The following UGT2A1 variants were observed in gnomAD, a reference collection of about 807,000 sequenced individuals.
The protein encoded by UGT2A1 is UDP glucuronosyltransferase family 2 member A1 complex locus, also known as UDP-glucuronosyltransferase 2A1.
A neutral mutation model predicts 45.4 loss-of-function variants in UGT2A1; 61 were observed. The ratio of observed to expected loss-of-function variants is 1.34; its 90% confidence interval spans 1.09 to 1.66. UGT2A1 has a LOEUF of 1.66. Ranked by LOEUF, UGT2A1 falls within the 40% of genes most tolerant of loss-of-function variation. The pLI, the probability that UGT2A1 is intolerant of heterozygous loss-of-function variation, is 0.00. For synonymous variants in UGT2A1, 229 were observed against 196.2 expected (o/e 1.17, Z -1.40); for missense variants, 649 against 574.3 (o/e 1.13, Z -1.33).
intron 3 of UGT2A1, among the ~76,000 whole-genome samples, chr4:69,627,835 T>G (rs954941609): frequency 6.6e-6 from 1 of 151,712 alleles, no homozygotes; most frequent in Non-Finnish European, 1.5e-5. Context: ...AATAGAAAAT[T>G]TATAAATGTC....
intron 4 of UGT2A1, among the ~76,000 whole-genome samples, chr4:69,598,441 C>A (rs960919030): frequency 6.6e-6 from 1 of 152,034 alleles, no homozygotes; most frequent in Non-Finnish European, 1.5e-5. Flanking sequence ...TTCCACATTT[C>A]TTTTCTGAAG....
At chr4:69,616,017 C>G (rs1328343146) in intron 3 of UGT2A1, among the ~76,000 whole-genome samples, 1 of 151,978 alleles carries the variant, frequency 6.6e-6, no homozygotes, top group Non-Finnish European at 1.5e-5. Context: ...ATATGTGCAT[C>G]AATGGGTGAA....
intron 3 of UGT2A1, among the ~76,000 whole-genome samples, chr4:69,607,761 A>T (rs1339917563): frequency 6.6e-6 from 1 of 152,252 alleles, no homozygotes; most frequent in Non-Finnish European, 1.5e-5. Context: ...TGGGTGAAGG[A>T]TATGAACAGA....
intron 4 of UGT2A1, among the ~76,000 whole-genome samples, chr4:69,597,609 T>G (rs1719006338): frequency 6.6e-6 from 1 of 152,162 alleles, no homozygotes; most frequent in Admixed American, 6.5e-5. Flanking sequence ...GAAAATAGAT[T>G]GCTATTTTTG....
chr4:69,622,741 A>G (rs1720822671), intron 3 of UGT2A1, among the ~76,000 whole-genome samples: 1 of 151,782 alleles, frequency 6.6e-6, no homozygotes, highest in Non-Finnish European at 1.5e-5. Flanking sequence ...GCTATTGTCT[A>G]GCAAAGAGAA....
Position 69,589,650 on chromosome 4 carries a change from A to G in UGT2A1, c.1306T>C (p.Tyr436His), listed in dbSNP as rs1183882628. The G allele has an allele frequency of 8.7e-6, 14 of 1,601,498 alleles. No individual in the cohort carries two copies. In the Admixed American group the frequency reaches 2.2e-4, roughly 26 times the overall value. Residue 436 changes from tyrosine to histidine, a missense_variant and splice_region_variant, in exon 7 of 7, where the codon TAT (tyrosine) becomes CAT (histidine). Physicochemically the swap from Tyr to His is moderately conservative, Grantham distance 83 (BLOSUM62 2). Transcript: ENST00000286604. ...ALRTVINEPS[Y>H]KENAMRLSRI... Reference sequence around the variant, plus strand: ...GATAACCTCATAGCATTCTCTTTATAACTAGAAGACAAATAAATAGGCAGA... The same window carrying G: ...GATAACCTCATAGCATTCTCTTTATGACTAGAAGACAAATAAATAGGCAGA...
At chr4:69,591,709 T>C (rs556310531) in intron 6 of UGT2A1, among the ~76,000 whole-genome samples, 5 of 152,258 alleles carry the variant, frequency 3.3e-5, no homozygotes, top group African/African-American at 7.2e-5. Context: ...AGCTTAGAAT[T>C]TTTATTTTTG....
intron 1 of UGT2A1, among the ~76,000 whole-genome samples, chr4:69,650,238 ATG>A (rs1722462445): frequency 6.6e-6 from 1 of 152,094 alleles, no homozygotes; most frequent in South Asian, 2.1e-4. Context: ...CTGCTTCACT[ATG>A]TGTTTATTGG....
chr4:69,651,466 G>A (rs1193102200), intron 1 of UGT2A1, among the ~76,000 whole-genome samples: 1 of 152,010 alleles, frequency 6.6e-6, no homozygotes, highest in Admixed American at 6.6e-5. Context: ...CATGAATTCA[G>A]AGAAAAAAAC....
chr4:69,652,570 C>T (rs1722586465), intron 1 of UGT2A1, among the ~76,000 whole-genome samples: 2 of 151,680 alleles, frequency 1.3e-5, no homozygotes, highest in Admixed American at 6.6e-5. Flanking sequence ...CGCGCCTGGC[C>T]ATTATTTTCT....
chr4:69,598,304 T>C (rs1719057459), intron 4 of UGT2A1, among the ~76,000 whole-genome samples: 1 of 152,192 alleles, frequency 6.6e-6, no homozygotes, highest in South Asian at 2.1e-4. Context: ...CATTTGCTTG[T>C]GTATAAACCA....
At chr4:69,635,312 T>C (rs886755609) in intron 3 of UGT2A1, among the ~76,000 whole-genome samples, 14 of 152,158 alleles carry the variant, frequency 9.2e-5, no homozygotes, top group African/African-American at 3.4e-4. Context: ...CTTTCTGCTC[T>C]CCCGATCTAC....
At chr4:69,653,088 AC>A (rs1451256682) in intron 1 of UGT2A1, 99 bp downstream of exon 1, 20 of 152,346 alleles carry the variant, frequency 1.3e-4, no homozygotes, top group African/African-American at 4.6e-4. Flanking sequence ...CAAAAGGTAA[AC>A]CAGCGTTTTA....
At chr4:69,632,984 G>C (rs767412909) in intron 3 of UGT2A1, among the ~76,000 whole-genome samples, 1 of 152,006 alleles carries the variant, frequency 6.6e-6, no homozygotes, top group Non-Finnish European at 1.5e-5. Flanking sequence ...CAAACCGGAC[G>C]TGGGTGACAA....
intron 2 of UGT2A1, among the ~76,000 whole-genome samples, chr4:69,643,790 T>C (rs1268314156): frequency 6.6e-6 from 1 of 151,520 alleles, no homozygotes; most frequent in African/African-American, 2.4e-5. Flanking sequence ...GAGGCCTGAG[T>C]GGATATAAAT....
chr4:69,638,605 C>T (rs1301664325), intron 2 of UGT2A1, among the ~76,000 whole-genome samples: 1 of 152,060 alleles, frequency 6.6e-6, no homozygotes, highest in East Asian at 1.9e-4. Flanking sequence ...TATAATGTAT[C>T]CTAATATGGG....
At chr4:69,599,199 G>C in intron 4 of UGT2A1, 47 bp downstream of exon 4, 4 of 1,549,410 alleles carry the variant, frequency 2.6e-6, no homozygotes, top group Non-Finnish European at 3.5e-6. Context: ...AGAAAATTAA[G>C]TATTTTATTA....
chr4:69,617,627 A>C (rs147656181), intron 3 of UGT2A1, among the ~76,000 whole-genome samples: 25 of 151,904 alleles, frequency 1.6e-4, no homozygotes, highest in Non-Finnish European at 2.8e-4. Flanking sequence ...AATGATATAA[A>C]TACATTAAAA....
At chr4:69,650,284 G>A (rs1216657236) in intron 1 of UGT2A1, among the ~76,000 whole-genome samples, 1 of 152,032 alleles carries the variant, frequency 6.6e-6, no homozygotes, top group African/African-American at 2.4e-5. Context: ...GTACCTACTA[G>A]GTAGAAGAGG....
Sources: allele counts gnomAD v4.1 joint callset (sites outside exome capture counted in the v4.1 genomes callset), GRCh38; gene constraint gnomAD v4.1.1; transcripts MANE v1.5; gene names NCBI Gene and HGNC (gene_info 2026-07-23, HGNC 2026-07-21).